The following ZFPM1 variants were observed in gnomAD, a reference collection of about 807,000 sequenced individuals.
ZFPM1 encodes the protein zinc finger protein, FOG family member 1, also known as zinc finger protein ZFPM1.
A neutral mutation model predicts 46.3 loss-of-function variants in ZFPM1; 28 were observed. The ratio of observed to expected loss-of-function variants is 0.60; its 90% CI spans 0.45 to 0.83. The LOEUF (loss-of-function observed/expected upper bound fraction) is 0.83, where lower values mean the gene tolerates loss of function less well. Ranked by LOEUF, ZFPM1 falls within the 40% of genes least tolerant of loss-of-function variation. ZFPM1 has a pLI of 0.00. For synonymous variants in ZFPM1, 957 were observed against 675.9 expected (o/e 1.42, Z -6.45); for missense variants, 1,878 against 1,432.4 (o/e 1.31, Z -5.02).
chr16:88,527,281 C>A (rs552169860), intron 5 of ZFPM1, among the ~76,000 whole-genome samples: 49 of 152,348 alleles, frequency 3.2e-4, no homozygotes, highest in Non-Finnish European at 6.6e-4. Context: ...ACCAGACTGG[C>A]TGGCAGGTGC....
At chr16:88,473,280 A>G (rs979959028) in intron 1 of ZFPM1, among the ~76,000 whole-genome samples, 1 of 152,188 alleles carries the variant, frequency 6.6e-6, no homozygotes, top group Admixed American at 6.5e-5. Flanking sequence ...GATGGCAGGA[A>G]CCACCCACCC....
intron 3 of ZFPM1, among the ~76,000 whole-genome samples, chr16:88,509,053 G>A (rs1910813240): frequency 6.6e-6 from 1 of 152,130 alleles, no homozygotes; most frequent in Non-Finnish European, 1.5e-5. Context: ...GGAGCCGCTC[G>A]CCCCTCTGGC....
intron 1 of ZFPM1, among the ~76,000 whole-genome samples, chr16:88,475,417 G>A (rs1908631529): frequency 6.6e-6 from 1 of 152,144 alleles, no homozygotes; most frequent in South Asian, 2.1e-4. Flanking sequence ...AGGAGAAACT[G>A]AGGCCAGCAA....
In ZFPM1 at chr16:88,466,399, A is replaced by G. The variant is rs1225929229; in HGVS notation, c.40+12721A>G. 3.9e-5 allele frequency among the ~76,000 whole-genome samples: 6 copies of G among 152,320 alleles called. No homozygotes were observed. In the East Asian group the frequency reaches 1.2e-3, roughly 29 times the overall value. On this transcript the variant is annotated intron_variant, in intron 1 of 9. Coordinates refer to ENST00000319555, the MANE Select transcript of ZFPM1 (RefSeq NM_153813.3). ...AGATCACACAGCATGAAGAGAACAGAAGGGACCCTGGCTTCTGGCTTAGAG... is the reference window on the plus strand; with the variant it reads ...AGATCACACAGCATGAAGAGAACAGGAGGGACCCTGGCTTCTGGCTTAGAG...
rs568953589 is a variant in ZFPM1 at position 88,535,061 on chromosome 16, C to T, written c.*82C>T. 22 of 1,335,070 alleles carry T rather than the reference C, an allele frequency of 1.6e-5. No individual in the cohort carries two copies. In the South Asian group the frequency reaches 3.4e-4, roughly 20 times the overall value. The allele number at this position is 1,335,070 out of a possible 1,614,324, so 82.7% of individuals were successfully genotyped here. A position where few individuals can be genotyped will look rare whatever the true frequency, so the allele number is the denominator to read the frequency against. Reference sequence around the variant, plus strand: ...GCCGCCCCCAGGCCGCACGGACTGCCGCTCCTGGGAACCCCGCCACGCACA... The same window carrying T: ...GCCGCCCCCAGGCCGCACGGACTGCTGCTCCTGGGAACCCCGCCACGCACA... On this transcript the variant is annotated 3_prime_UTR_variant, in exon 10 of 10. Coordinates refer to ENST00000319555, the MANE Select transcript of ZFPM1 (RefSeq NM_153813.3).
chr16:88,459,230 A>G (rs1455424677), intron 1 of ZFPM1, among the ~76,000 whole-genome samples: 1 of 152,138 alleles, frequency 6.6e-6, no homozygotes, highest in African/African-American at 2.4e-5. Flanking sequence ...CAGGCCCACA[A>G]GCTCTCTGAG....
chr16:88,452,724 C>A (rs994328301), upstream of ZFPM1, among the ~76,000 whole-genome samples: 6 of 152,328 alleles, frequency 3.9e-5, no homozygotes, highest in South Asian at 1.2e-3. Context: ...AGGGAGGGAC[C>A]AAGGGCTGGG....
chr16:88,512,592 G>T (rs1911032935), intron 3 of ZFPM1, among the ~76,000 whole-genome samples: 1 of 151,384 alleles, frequency 6.6e-6, no homozygotes, highest in Non-Finnish European at 1.5e-5. Flanking sequence ...CCTGCATGCA[G>T]GGCCCACCCC....
intron 1 of ZFPM1, among the ~76,000 whole-genome samples, chr16:88,473,323 C>G: frequency 6.6e-6 from 1 of 152,264 alleles, no homozygotes; most frequent in South Asian, 2.1e-4. Context: ...GAATGAAAGC[C>G]TGGAGTCTCC....
intron 3 of ZFPM1, among the ~76,000 whole-genome samples, chr16:88,506,429 A>G (rs2142412024): frequency 7.4e-6 from 1 of 134,390 alleles, no homozygotes; most frequent in South Asian, 2.4e-4. Context: ...AAATAGACTC[A>G]GGTCTTGTGC....
chr16:88,493,080 CGGGG>C (rs1909682232), intron 3 of ZFPM1, among the ~76,000 whole-genome samples: 2 of 116,150 alleles, frequency 1.7e-5, no homozygotes. Context: ...TCCCGGGGTG[CGGGG>C]AGCTGTCCCG....
chr16:88,533,557 C>G lies in ZFPM1; in HGVS notation c.1599C>G (p.Pro533=). The G allele has an allele frequency of 2.7e-6, 4 of 1,480,470 alleles. No individual in the cohort carries two copies. The highest frequency in any genetic ancestry group is 3.6e-6 in the Non-Finnish European group (4 of 1,116,618). The allele number at this position is 1,480,470 out of a possible 1,614,324, so 91.7% of individuals were successfully genotyped here. ...TCCTTCCGCAGTACGTGTTCGGGCC[C>G]GACGCGGCGCCCCCCGCCTCGGAGA... ...ALFLPQYVFG[P]DAAPPASEIL... is the part of the protein sequence containing the mutation. The change falls in exon 10 of 10, where the codon CCC becomes CCG. Residue 533 remains proline (P), a synonymous_variant. Coordinates refer to ENST00000319555, the MANE Select transcript of ZFPM1 (RefSeq NM_153813.3).
chr16:88,502,873 T>C (rs1910445022), intron 3 of ZFPM1, among the ~76,000 whole-genome samples: 1 of 150,584 alleles, frequency 6.6e-6, no homozygotes, highest in South Asian at 2.1e-4. Context: ...GGATGCCCGT[T>C]TGTGGGTCTC....
intron 3 of ZFPM1, among the ~76,000 whole-genome samples, chr16:88,507,299 C>A (rs781370623): frequency 9.8e-5 from 15 of 152,306 alleles, no homozygotes; most frequent in African/African-American, 1.7e-4. Flanking sequence ...GGCCTCACCC[C>A]CTCAGCACCA....
Position 88,526,823 on chromosome 16 carries a change from C to G in ZFPM1, c.412C>G (p.Leu138Val), listed in dbSNP as rs1450239236. The G allele has an allele frequency of 2.0e-6, 3 of 1,528,892 alleles. No individual in the cohort carries two copies. Among genetic ancestry groups the G allele is most frequent in the African/African-American group, 2.7e-5 (2 of 73,030 alleles). 94.7% of individuals were successfully genotyped at this position (1,528,892 alleles called of 1,614,324 possible). ...SPRQAEPSPALTLLLVDEACW... is the reference protein window; with the variant it reads ...SPRQAEPSPAVTLLLVDEACW... ...TACCCTCCCCCCCCAGAGCCCAGCC[C>G]TGACCCTGCTGCTGGTGGACGAGGC... is the stretch of plus-strand genomic sequence containing the variant. Residue 138 changes from leucine to valine, a missense_variant, in exon 5 of 10, where the codon CTG becomes GTG. Physicochemically the swap from Leu to Val is conservative, Grantham distance 32. Coordinates refer to ENST00000319555, the MANE Select transcript of ZFPM1 (RefSeq NM_153813.3).
At position 88,533,272 on chromosome 16, in the gene ZFPM1, C is replaced by A. The variant is rs920354677; in HGVS notation, c.1314C>A (p.Asn438Lys). The A allele has an allele frequency of 1.3e-6, 2 of 1,493,692 alleles. No individual in the cohort carries two copies. Among genetic ancestry groups the A allele is most frequent in the African/African-American group, 3.5e-5 (2 of 57,808 alleles). 92.5% of individuals were successfully genotyped at this position (1,493,692 alleles called of 1,614,324 possible). ...LDRKALAEAT[N>K]GEARAEPLAQ... ...GAAAGGCCCTGGCCGAGGCCACCAA[C>A]GGAGAGGCCAGAGCGGAGCCTCTGG... is the stretch of plus-strand genomic sequence containing the variant. The change falls in exon 10 of 10, where the codon AAC becomes AAA. Residue 438 changes from asparagine (N) to lysine (K), a missense_variant. By Grantham distance (94) the Asn-to-Lys change is moderately conservative. Coordinates refer to ENST00000319555, the MANE Select transcript of ZFPM1 (RefSeq NM_153813.3).
At chr16:88,481,522 C>T (rs55985811) in intron 1 of ZFPM1, among the ~76,000 whole-genome samples, 15,694 of 151,960 alleles carry the variant, frequency 0.1, 1,494 homozygotes, top group African/African-American at 0.26. Context: ...TGGGAATGAC[C>T]TGGCTTCCCA....
At chr16:88,484,297 G>C (rs578150357) in intron 1 of ZFPM1, among the ~76,000 whole-genome samples, 1 of 152,190 alleles carries the variant, frequency 6.6e-6, no homozygotes, top group Non-Finnish European at 1.5e-5. Flanking sequence ...CGCAAACCCC[G>C]AACAGTTCTC....
chr16:88,517,919 G>A (rs1008766794), intron 4 of ZFPM1, among the ~76,000 whole-genome samples: 4 of 152,056 alleles, frequency 2.6e-5, no homozygotes, highest in Admixed American at 6.5e-5. Context: ...ATGGATAAAT[G>A]AGTGGGTGAG....
Sources: gnomAD v4.1 joint callset for allele counts (sites outside exome capture counted in the v4.1 genomes callset) on GRCh38, gnomAD v4.1.1 for gene constraint, MANE v1.5 for transcripts, NCBI Gene and HGNC (gene_info 2026-07-23, HGNC 2026-07-21) for gene names.